The following GUCY2C variants were observed in gnomAD, a reference collection of about 807,000 sequenced individuals.
The protein encoded by GUCY2C is guanylyl cyclase C.
Under a neutral mutation model 131.1 loss-of-function variants are expected in GUCY2C, and 118 were observed. The observed-to-expected ratio is 0.90, with a 90% confidence interval of 0.78 to 1.05. The LOEUF (loss-of-function observed/expected upper bound fraction) is 1.05, where lower values mean the gene tolerates loss of function less well. Among genes scored for constraint, GUCY2C ranks in the 50% least tolerant of loss-of-function variants. GUCY2C has a pLI of 0.00. For missense variants in GUCY2C, 1,161 were observed against 1,304.4 expected (o/e 0.89, Z 1.69); for synonymous variants, 452 against 457.8 (o/e 0.99, Z 0.16).
chr12:14,680,016 T>A (rs1948317808), intron 5 of GUCY2C, among the ~76,000 whole-genome samples: 1 of 152,048 alleles, frequency 6.6e-6, no homozygotes, highest in South Asian at 2.1e-4. Flanking sequence ...GAAGCCAAGA[T>A]GTCAAAGGGT....
intron 1 of GUCY2C, among the ~76,000 whole-genome samples, chr12:14,695,978 C>T (rs1222985978): frequency 1.3e-5 from 2 of 152,090 alleles, no homozygotes; most frequent in African/African-American, 4.8e-5. Flanking sequence ...TTAACTGGGA[C>T]GTTTCACTGC....
intron 10 of GUCY2C, among the ~76,000 whole-genome samples, chr12:14,662,824 A>G (rs1455980364): frequency 6.6e-6 from 1 of 152,192 alleles, no homozygotes; most frequent in Non-Finnish European, 1.5e-5. Context: ...TTGGTTACCA[A>G]ATAAATATTA....
chr12:14,683,970 C>T (rs1315305113), intron 3 of GUCY2C, among the ~76,000 whole-genome samples: 2 of 152,190 alleles, frequency 1.3e-5, no homozygotes, highest in East Asian at 3.8e-4. Flanking sequence ...ATTCTACCTT[C>T]AAATATCTTT....
At chr12:14,631,629 A>C (rs1006686857) in intron 19 of GUCY2C, among the ~76,000 whole-genome samples, 1 of 148,364 alleles carries the variant, frequency 6.7e-6, no homozygotes, top group South Asian at 2.2e-4. Context: ...CCAGTCTATC[A>C]TTGTTGGACA....
At chr12:14,677,311 T>C (rs1948254941) in intron 6 of GUCY2C, among the ~76,000 whole-genome samples, 1 of 152,172 alleles carries the variant, frequency 6.6e-6, no homozygotes, top group Non-Finnish European at 1.5e-5. Flanking sequence ...CTTTAAGTGC[T>C]TTTAACAATT....
At chr12:14,650,237 A>G (rs774744344) in intron 15 of GUCY2C, among the ~76,000 whole-genome samples, 17 of 151,656 alleles carry the variant, frequency 1.1e-4, no homozygotes, top group Non-Finnish European at 1.9e-4. Flanking sequence ...TCAATTGTTT[A>G]TTATTATTAT....
intron 6 of GUCY2C, among the ~76,000 whole-genome samples, chr12:14,678,728 A>G (rs954742432): frequency 6.6e-6 from 1 of 152,198 alleles, no homozygotes; most frequent in Admixed American, 6.5e-5. Context: ...ACAGACAGGT[A>G]ATGATTAATG....
At chr12:14,675,224 A>AAAAAAG (rs1565630846) in intron 7 of GUCY2C, among the ~76,000 whole-genome samples, 1 of 144,836 alleles carries the variant, frequency 6.9e-6, no homozygotes, top group African/African-American at 2.6e-5. Context: ...AAAAAAAAAA[A>AAAAAAG]AAAAAGAAAA....
rs1465863264 is a variant in GUCY2C, at chr12:14,679,871, C to T, written c.734-118G>A. Reference sequence around the variant, plus strand: ...TAATGTTAAATTTTTTAAAGATAAACTCCAATTCCTTAAATTCCTCCTTCC... The same window carrying T: ...TAATGTTAAATTTTTTAAAGATAAATTCCAATTCCTTAAATTCCTCCTTCC... On this transcript the variant is annotated intron_variant, in intron 5 of 26. Coordinates refer to ENST00000261170, the MANE Select transcript of GUCY2C (RefSeq NM_004963.4). The T allele has an allele frequency of 1.4e-5, 8 of 579,734 alleles. No homozygotes were observed. In the East Asian group the frequency reaches 1.7e-4, roughly 13 times the overall value. 35.9% of individuals were successfully genotyped at this position (579,734 alleles called of 1,614,324 possible).
chr12:14,694,651 C>T (rs1260522607), intron 1 of GUCY2C, among the ~76,000 whole-genome samples: 1 of 152,166 alleles, frequency 6.6e-6, no homozygotes, highest in East Asian at 1.9e-4. Context: ...CATTATGGCT[C>T]TAGATCAAAT....
intron 12 of GUCY2C, among the ~76,000 whole-genome samples, chr12:14,656,297 C>G (rs986677438): frequency 1.3e-5 from 2 of 152,206 alleles, no homozygotes; most frequent in African/African-American, 4.8e-5. Flanking sequence ...CACACCATAT[C>G]TCAGCCTCCA....
intron 19 of GUCY2C, among the ~76,000 whole-genome samples, chr12:14,637,968 A>G (rs1947308537): frequency 6.6e-6 from 1 of 152,186 alleles, no homozygotes. Flanking sequence ...TTTGCAAACT[A>G]TTAATCTGAC....
At chr12:14,651,086 AT>A (rs771229448) in intron 15 of GUCY2C, among the ~76,000 whole-genome samples, 13 of 152,200 alleles carry the variant, frequency 8.5e-5, no homozygotes, top group Admixed American at 1.3e-4. Context: ...CGCTATCATA[AT>A]GATTATCCAT....
chr12:14,675,327 T>C (rs1438500820), intron 7 of GUCY2C, among the ~76,000 whole-genome samples: 2 of 150,234 alleles, frequency 1.3e-5, no homozygotes, highest in Non-Finnish European at 2.9e-5. Context: ...ATCAATAAAA[T>C]GAGGGAAGCA....
intron 21 of GUCY2C, among the ~76,000 whole-genome samples, chr12:14,623,316 G>A (rs148495509): frequency 2.0e-5 from 3 of 152,184 alleles, no homozygotes; most frequent in Admixed American, 1.3e-4. Flanking sequence ...GGGCTCTCCC[G>A]GAAAGAAAAC....
At chr12:14,668,867 G>T (rs1948039324) in intron 10 of GUCY2C, among the ~76,000 whole-genome samples, 1 of 151,940 alleles carries the variant, frequency 6.6e-6, no homozygotes. Context: ...TCATGTTAGG[G>T]CTATTCATGA....
At position 14,651,937 on chromosome 12, in the gene GUCY2C, G is replaced by A. The variant is rs187590447; in HGVS notation, c.1605+22C>T. ...AATGAAGTGAAGTTATTTCTCAAGG[G>A]TTTGAAGTAAGGGCTACATACCTTG... On this transcript the variant is annotated intron_variant, in intron 14 of 26. Transcript: ENST00000261170. 38 of 1,342,332 alleles carry A rather than the reference G, an allele frequency of 2.8e-5. No homozygotes were observed. The African/African-American group carries it at 3.9e-4, about 14-fold the overall frequency. 83.2% of individuals were successfully genotyped at this position (1,342,332 alleles called of 1,614,324 possible).
chr12:14,676,410 A>G (rs1421867618), intron 7 of GUCY2C, among the ~76,000 whole-genome samples: 5 of 152,240 alleles, frequency 3.3e-5, no homozygotes, highest in Admixed American at 6.5e-5. Context: ...TTAACCTAGG[A>G]ATATACATTT....
Position 14,643,626 on chromosome 12 carries a change from C to G in GUCY2C, c.1878G>C (p.Met626Ile). 2 of 1,613,578 alleles carry G rather than the reference C, an allele frequency of 1.2e-6. No individual in the cohort carries two copies. The highest frequency in any genetic ancestry group is 2.2e-5 in the South Asian group (2 of 91,060). The change falls in exon 17 of 27, where the codon ATG (methionine) becomes ATC (isoleucine). Residue 626 changes from methionine (M) to isoleucine (I), a missense_variant. By Grantham distance (10) the Met-to-Ile change is conservative. Transcript: ENST00000261170. Reference sequence around the variant, plus strand: ...AGCCAAAATCAGTGATCTTCACCACCATTCTACTGTCCACTACGCAGTTGG... The same window carrying G: ...AGCCAAAATCAGTGATCTTCACCACGATTCTACTGTCCACTACGCAGTTGG... Reference protein sequence around the residue: ...KSTNCVVDSRMVVKITDFGCN... With the variant: ...KSTNCVVDSRIVVKITDFGCN...
Sources: gnomAD v4.1 joint callset for allele counts (sites outside exome capture counted in the v4.1 genomes callset) on GRCh38, gnomAD v4.1.1 for gene constraint, MANE v1.5 for transcripts, NCBI Gene and HGNC (gene_info 2026-07-23, HGNC 2026-07-21) for gene names.